The following HECA variants were observed in gnomAD, a reference collection of about 807,000 sequenced individuals.
HECA encodes the protein HECA ribonucleoprotein granule regulator.
Under a neutral mutation model 37.6 loss-of-function variants are expected in HECA, and 13 were observed. The ratio of observed to expected loss-of-function variants is 0.35; its 90% CI spans 0.23 to 0.55. The LOEUF (loss-of-function observed/expected upper bound fraction) is 0.55, where lower values mean the gene tolerates loss of function less well. Among genes scored for constraint, HECA ranks in the 20% least tolerant of loss-of-function variants. HECA has a pLI of 0.90. For missense variants in HECA, 527 were observed against 701.9 expected (o/e 0.75, Z 2.82); for synonymous variants, 307 against 291.5 (o/e 1.05, Z -0.54).
intron 1 of HECA, among the ~76,000 whole-genome samples, chr6:139,145,220 C>T (rs911215704): frequency 1.3e-5 from 2 of 152,160 alleles, no homozygotes; most frequent in South Asian, 2.1e-4. Context: ...CAGTGGTTAG[C>T]GAAATAGCAA....
chr6:139,166,078 T>C (rs1774881040), intron 1 of HECA: 1 of 505,950 alleles, frequency 2.0e-6, no homozygotes. Flanking sequence ...AGGTCCTTTT[T>C]AGAGATTCCA....
At chr6:139,150,755 A>G (rs1170768652) in intron 1 of HECA, among the ~76,000 whole-genome samples, 1 of 152,198 alleles carries the variant, frequency 6.6e-6, no homozygotes, top group African/African-American at 2.4e-5. Flanking sequence ...TGGTCATACC[A>G]TAAAATTATA....
intron 1 of HECA, among the ~76,000 whole-genome samples, chr6:139,148,247 T>G (rs1774608888): frequency 6.6e-6 from 1 of 152,246 alleles, no homozygotes; most frequent in South Asian, 2.1e-4. Context: ...CTTTGCTGGT[T>G]AGAAATTTTA....
chr6:139,174,250 T>C (rs1297236649), intron 2 of HECA, 135 bp from the exon 3 acceptor site: 6 of 1,003,502 alleles, frequency 6.0e-6, no homozygotes, highest in Admixed American at 5.8e-5. Context: ...GTACTAAATA[T>C]TGATTTTTCT....
intron 1 of HECA, among the ~76,000 whole-genome samples, chr6:139,157,412 T>C (rs1353511326): frequency 3.9e-5 from 6 of 152,132 alleles, no homozygotes; most frequent in Non-Finnish European, 7.4e-5. Flanking sequence ...TAAGATAGAG[T>C]TGCTCTGGTT....
chr6:139,138,976 C>A (rs533306994), intron 1 of HECA, among the ~76,000 whole-genome samples: 1 of 152,270 alleles, frequency 6.6e-6, no homozygotes, highest in East Asian at 1.9e-4. Flanking sequence ...CATTCTGGTT[C>A]CATTAGGCCT....
At position 139,135,180 on chromosome 6, in the gene HECA, C is replaced by A; in HGVS notation, c.-217C>A. ...CCCGCGGCGCCCGCGCGGCTGCGAG[C>A]CTCGGGTGGCCGCGTGCCGGCTCCA... On this transcript the variant is annotated 5_prime_UTR_variant, in exon 1 of 4. Coordinates refer to ENST00000367658, the MANE Select transcript of HECA (RefSeq NM_016217.3). The A allele has an allele frequency of 4.4e-6, 1 of 225,722 alleles. No homozygotes were observed. Among genetic ancestry groups the A allele is most frequent in the Non-Finnish European group, 8.1e-6 (1 of 124,114 alleles). The allele number at this position is 225,722 out of a possible 1,614,324, so 14.0% of individuals were successfully genotyped here.
At chr6:139,157,468 T>G (rs1243518389) in intron 1 of HECA, among the ~76,000 whole-genome samples, 2 of 152,224 alleles carry the variant, frequency 1.3e-5, no homozygotes, top group Non-Finnish European at 2.9e-5. Flanking sequence ...TGTCTGACAC[T>G]GAGAAGAACA....
Position 139,166,525 on chromosome 6 carries a change from G to C in HECA, c.513G>C (p.Leu171=). 1 of 1,614,250 alleles carries C rather than the reference G, an allele frequency of 6.2e-7. No individual in the cohort carries two copies. Among genetic ancestry groups the C allele is most frequent in the Non-Finnish European group, 8.5e-7 (1 of 1,180,032 alleles). Reference sequence around the variant, plus strand: ...TGTGGACAAAGAAGGGCTACGACCTGGCCTTCCGCTTCTGCTCTTGCCGCT... The same window carrying C: ...TGTGGACAAAGAAGGGCTACGACCTCGCCTTCCGCTTCTGCTCTTGCCGCT... ...QNMWTKKGYD[L]AFRFCSCRCG... The change falls in exon 2 of 4, where the codon CTG becomes CTC. Residue 171 remains leucine, a synonymous_variant. Transcript: ENST00000367658.
intron 2 of HECA, among the ~76,000 whole-genome samples, chr6:139,174,165 A>T (rs1262868106): frequency 1.3e-5 from 2 of 152,244 alleles, no homozygotes; most frequent in African/African-American, 4.8e-5. Context: ...CAAGTTTTTA[A>T]TATGCTTGAA....
At chr6:139,146,629 A>G (rs1240273013) in intron 1 of HECA, among the ~76,000 whole-genome samples, 1 of 152,192 alleles carries the variant, frequency 6.6e-6, no homozygotes, top group Non-Finnish European at 1.5e-5. Context: ...GGCTGGTGAT[A>G]GGTGTCAGTG....
intron 1 of HECA, among the ~76,000 whole-genome samples, chr6:139,150,806 C>T (rs1436494112): frequency 6.6e-6 from 1 of 152,036 alleles, no homozygotes; most frequent in Non-Finnish European, 1.5e-5. Context: ...AAGGAATGAA[C>T]ATTTAATTAA....
At chr6:139,154,258 G>A (rs529026093) in intron 1 of HECA, among the ~76,000 whole-genome samples, 1 of 152,050 alleles carries the variant, frequency 6.6e-6, no homozygotes, top group Admixed American at 6.6e-5. Context: ...ATTGACAATT[G>A]GTCAAATCCA....
intron 1 of HECA, among the ~76,000 whole-genome samples, chr6:139,153,769 G>T (rs1259024498): frequency 1.3e-5 from 2 of 152,078 alleles, no homozygotes; most frequent in African/African-American, 4.8e-5. Context: ...CATTCAGTTT[G>T]TACTCAGAAT....
chr6:139,167,439 C>CAGATGCT (rs1774907269), intron 2 of HECA, 115 bp downstream of exon 2: 1 of 865,930 alleles, frequency 1.2e-6, no homozygotes. Flanking sequence ...TTGTTCTAGT[C>CAGATGCT]AGGTGCTAGG....
At chr6:139,152,546 G>T (rs1316125005) in intron 1 of HECA, among the ~76,000 whole-genome samples, 2 of 152,072 alleles carry the variant, frequency 1.3e-5, no homozygotes, top group East Asian at 3.9e-4. Context: ...GAATGTAATT[G>T]CCTTGTGCTC....
At chr6:139,139,554 A>AGGAAGCAGGATTGGGC (rs1378080062) in intron 1 of HECA, among the ~76,000 whole-genome samples, 1 of 152,222 alleles carries the variant, frequency 6.6e-6, no homozygotes. Context: ...GGAGGAGGGA[A>AGGAAGCAGGATTGGGC]GGAAGCAGGA....
At chr6:139,155,587 C>G (rs1046008338) in intron 1 of HECA, 1 of 152,202 alleles carries the variant, frequency 6.6e-6, no homozygotes, top group South Asian at 2.1e-4. Flanking sequence ...CATATACACA[C>G]ACATACACTT....
chr6:139,157,835 G>T lies in HECA; in HGVS notation c.272-8449G>T, dbSNP rs916461704. 2.6e-5 allele frequency among the ~76,000 whole-genome samples: 4 copies of T among 152,116 alleles called. No homozygotes were observed. The East Asian group carries it at 5.8e-4, about 22-fold the overall frequency. ...TTGAGGCGAGGCACAGGTGGAGGAG[G>T]GTGTGTGCCTGCATGTAGCAAAAGG... On this transcript the variant is annotated intron_variant, in intron 1 of 3. Coordinates refer to ENST00000367658, the MANE Select transcript of HECA (RefSeq NM_016217.3).
Sources: gnomAD v4.1 joint callset for allele counts (sites outside exome capture counted in the v4.1 genomes callset) on GRCh38, gnomAD v4.1.1 for gene constraint, MANE v1.5 for transcripts, NCBI Gene and HGNC (gene_info 2026-07-23, HGNC 2026-07-21) for gene names.